SCNM1: variants seen among roughly 807,000 people sequenced by gnomAD.
The protein encoded by SCNM1 is sodium channel modifier 1.
SCNM1 carries 24 observed loss-of-function variants against 32.8 expected under a neutral mutation model. That is an observed-to-expected ratio of 0.73 (90% CI 0.53 to 1.03). The LOEUF (loss-of-function observed/expected upper bound fraction) is 1.03, where lower values mean the gene tolerates loss of function less well. SCNM1 is among the 50% of genes least tolerant of loss of function. The pLI is 0.00. For missense variants in SCNM1, 274 were observed against 282.3 expected (o/e 0.97, Z 0.21); for synonymous variants, 99 against 103.2 (o/e 0.96, Z 0.25).
chr1:151,168,475 C>T, intron 6 of SCNM1, 137 bp downstream of exon 6: 12 of 1,273,746 alleles, frequency 9.4e-6, no homozygotes, highest in Non-Finnish European at 1.3e-5. Flanking sequence ...ATGGCACGCT[C>T]TCGGCTCACT....
In SCNM1 at chr1:151,166,921, T is replaced by G; in HGVS notation, c.123-13T>G. The G allele has an allele frequency of 1.9e-6, 3 of 1,613,970 alleles. No homozygotes were observed. The highest frequency in any genetic ancestry group is 2.5e-6 in the Non-Finnish European group (3 of 1,179,994). ...CCCCTGGACCACTTATCCTCTTCTC[T>G]ACCCCTGCTCAGCTTTGCTTGTGCC... On this transcript the variant is annotated splice_polypyrimidine_tract_variant and intron_variant, in intron 2 of 6. Coordinates refer to ENST00000368905, the MANE Select transcript of SCNM1 (RefSeq NM_024041.4).
chr1:151,166,187 A>T lies in SCNM1; in HGVS notation c.35A>T (p.Gln12Leu). Reference protein sequence around the residue: ...SFKREGDDWSQLNVLKKRRVG... With the variant: ...SFKREGDDWSLLNVLKKRRVG... ...AAGAGGGAAGGAGACGATTGGAGTC[A>T]ACTCAATGTGCTCAAAGTAAGCGTG... Residue 12 changes from glutamine (Q) to leucine (L), a missense_variant, in exon 1 of 7, where the codon CAA (glutamine) becomes CTA (leucine). Gln to Leu is a moderately radical substitution (Grantham distance 113). Transcript: ENST00000368905. 1 of 1,604,970 alleles carries T rather than the reference A, an allele frequency of 6.2e-7. No homozygotes were observed. Among genetic ancestry groups the T allele is most frequent in the Non-Finnish European group, 8.5e-7 (1 of 1,175,270 alleles).
chr1:151,167,666 T>C, intron 5 of SCNM1: 1 of 448,414 alleles, frequency 2.2e-6, no homozygotes, highest in South Asian at 2.1e-5. Flanking sequence ...ATCCTGTCTC[T>C]ACCAAAAATG....
In SCNM1 at chr1:151,168,020, G is replaced by A. The variant is rs147887963; in HGVS notation, c.399-124G>A. 28 of 1,096,046 alleles carry A rather than the reference G, an allele frequency of 2.6e-5. No individual in the cohort carries two copies. In the East Asian group the frequency reaches 7.1e-4, roughly 28 times the overall value. 67.9% of individuals were successfully genotyped at this position (1,096,046 alleles called of 1,614,324 possible). ...CAAATTCATGATTCTGAAATCCTTT[G>A]TATGCAGAACTTATTAATATCTTGA... On this transcript the variant is annotated intron_variant, in intron 5 of 6. Transcript: ENST00000368905.
chr1:151,166,788 G>A, intron 2 of SCNM1, 146 bp from the exon 3 acceptor site: 1 of 1,319,198 alleles, frequency 7.6e-7, no homozygotes, highest in East Asian at 2.5e-5. Flanking sequence ...ATTCTTTGGC[G>A]GCCAGTGAGG....
chr1:151,168,868 C>T (rs1021588945), intron 6 of SCNM1, 118 bp from the exon 7 acceptor site: 3 of 851,706 alleles, frequency 3.5e-6, no homozygotes, highest in Non-Finnish European at 3.5e-6. Context: ...GAACTCCTGA[C>T]CTCAAGTGAT....
In SCNM1 at chr1:151,166,170, A is replaced by T; in HGVS notation, c.18A>T (p.Glu6Asp). Residue 6 changes from glutamate (E) to aspartate (D), a missense_variant, in exon 1 of 7, where the codon GAA becomes GAT. Coordinates refer to ENST00000368905, the MANE Select transcript of SCNM1 (RefSeq NM_024041.4). MSFKR[E>D]GDDWSQLNVL... ...CAGTCGTGATGTCTTTCAAGAGGGA[A>T]GGAGACGATTGGAGTCAACTCAATG... The T allele has an allele frequency of 6.2e-7, 1 of 1,607,160 alleles. No homozygotes were observed. The highest frequency in any genetic ancestry group is 8.5e-7 in the Non-Finnish European group (1 of 1,176,402).
In SCNM1 at chr1:151,167,831, CAAAA is replaced by C. The variant is rs955929744; in HGVS notation, c.399-306_399-303del. 7 of 235,070 alleles carry C rather than the reference CAAAA, an allele frequency of 3.0e-5. No individual in the cohort carries two copies. In the East Asian group the frequency reaches 6.3e-4, roughly 21 times the overall value. 14.6% of individuals were successfully genotyped at this position (235,070 alleles called of 1,614,324 possible). A position where few individuals can be genotyped will look rare whatever the true frequency, so the allele number is the denominator to read the frequency against. On this transcript the variant is annotated intron_variant, in intron 5 of 6. Coordinates refer to ENST00000368905, the MANE Select transcript of SCNM1 (RefSeq NM_024041.4). ...TGGGTGACAGAGTGAGACTCCATCT[CAAAA>C]AAAAAAGAAAAGAAAGAAAAAGAAA...
At chr1:151,168,090 A>C in intron 5 of SCNM1, 54 bp from the exon 6 acceptor site, 6 of 1,515,482 alleles carry the variant, frequency 4.0e-6, no homozygotes, top group Non-Finnish European at 5.3e-6. Context: ...TGGGAGTCAT[A>C]GGAGAGTTGG....
intron 6 of SCNM1, 36 bp downstream of exon 6, chr1:151,168,374 T>C (rs1211692675): frequency 3.9e-6 from 6 of 1,544,382 alleles, no homozygotes; most frequent in African/African-American, 1.4e-5. Flanking sequence ...AGATTTTCTT[T>C]TCTCTCTGAC....
At chr1:151,168,924 T>C in intron 6 of SCNM1, 62 bp from the exon 7 acceptor site, 1 of 1,559,264 alleles carries the variant, frequency 6.4e-7, no homozygotes, top group Non-Finnish European at 8.8e-7. Context: ...TGGTGTGAGC[T>C]CACCACTAAC....
Position 151,167,308 on chromosome 1 carries a change from C to T in SCNM1, c.310-18C>T. The T allele has an allele frequency of 6.2e-7, 1 of 1,614,026 alleles. No homozygotes were observed. The highest frequency in any genetic ancestry group is 8.5e-7 in the Non-Finnish European group (1 of 1,179,938). ...GGAGGGCTGAAGGCTCTGACTCTGT[C>T]TCCCATCTCCTTACCAGGCTCCTCT... On this transcript the variant is annotated intron_variant, in intron 4 of 6. Coordinates refer to ENST00000368905, the MANE Select transcript of SCNM1 (RefSeq NM_024041.4).
intron 2 of SCNM1, 173 bp downstream of exon 2, chr1:151,166,714 G>C: frequency 7.9e-7 from 1 of 1,264,662 alleles, no homozygotes; most frequent in African/African-American, 1.5e-5. Context: ...GTTTACAAGC[G>C]CATGCCACCA....
At position 151,170,046 on chromosome 1, in the gene SCNM1, G is replaced by A; in HGVS notation, c.*961G>A. 1.2e-6 allele frequency: 2 copies of A among 1,613,192 alleles called. No homozygotes were observed. Among genetic ancestry groups the A allele is most frequent in the Non-Finnish European group, 1.7e-6 (2 of 1,179,166 alleles). On this transcript the variant is annotated 3_prime_UTR_variant, in exon 7 of 7. Coordinates refer to ENST00000368905, the MANE Select transcript of SCNM1 (RefSeq NM_024041.4). ...ACAGATGAGGATTTAAGTGTCCAGT[G>A]CTCCCAGCGCTAGTTGGTAAAGGGA... is the stretch of plus-strand genomic sequence containing the variant.
chr1:151,167,639 C>T (rs1353671986), intron 5 of SCNM1: 1 of 513,964 alleles, frequency 1.9e-6, no homozygotes, highest in East Asian at 3.9e-5. Flanking sequence ...CAAGACCAGC[C>T]TGGCCAACAT....
intron 5 of SCNM1, chr1:151,167,929 A>T: frequency 2.1e-6 from 1 of 476,900 alleles, no homozygotes; most frequent in Non-Finnish European, 3.5e-6. Context: ...GAAGAATAAC[A>T]GTTTTAAAAA....
intron 5 of SCNM1, 48 bp downstream of exon 5, chr1:151,167,462 T>C (rs1683760392): frequency 6.2e-7 from 1 of 1,608,142 alleles, no homozygotes. Flanking sequence ...AGGAGACAGA[T>C]GGCTCTAAAA....
intron 2 of SCNM1, 81 bp downstream of exon 2, chr1:151,166,622 G>C: frequency 1.9e-6 from 3 of 1,540,308 alleles, no homozygotes; most frequent in Non-Finnish European, 2.6e-6. Flanking sequence ...CCTTTGAGAC[G>C]GAGGTCTCGC....
chr1:151,166,995 C>T lies in SCNM1; in HGVS notation c.184C>T (p.His62Tyr). 6.2e-7 allele frequency: 1 copy of T among 1,614,160 alleles called. No homozygotes were observed. The highest frequency in any genetic ancestry group is 8.5e-7 in the Non-Finnish European group (1 of 1,180,030). ...GGACACCCTGGCCATGCTGACTGCC[C>T]ACCGTGCAGGCAAGAAACATCTGTC... is the stretch of plus-strand genomic sequence containing the variant. ...VLDTLAMLTA[H>Y]RAGKKHLSSL... Residue 62 changes from histidine (H) to tyrosine (Y), a missense_variant, in exon 3 of 7, where the codon CAC (histidine) becomes TAC (tyrosine). Transcript: ENST00000368905.
Sources: gnomAD v4.1 joint callset for allele counts on GRCh38, gnomAD v4.1.1 for gene constraint, MANE v1.5 for transcripts, NCBI Gene and HGNC (gene_info 2026-07-23, HGNC 2026-07-21) for gene names.